The following SMYD2 variants were observed in gnomAD, a reference collection of about 807,000 sequenced individuals.
SMYD2 encodes the protein SET and MYND domain containing 2, also known as N-lysine methyltransferase SMYD2.
In SMYD2, 53 loss-of-function variants were observed where a neutral mutation model predicts 59.1. The observed-to-expected ratio is 0.90, with a 90% CI of 0.72 to 1.13. The LOEUF (loss-of-function observed/expected upper bound fraction) is 1.13. Ranked by LOEUF, SMYD2 falls within the 50% of genes most tolerant of loss-of-function variation. The probability of loss-of-function intolerance (pLI) is 0.00; values close to 1 mark genes in which losing one functional copy is unlikely to be tolerated. For synonymous variants in SMYD2, 208 were observed against 198.8 expected, an observed-to-expected ratio of 1.05 and a Z score of -0.39; for missense variants, 494 against 544.7, an observed-to-expected ratio of 0.91 and a Z score of 0.93.
Position 214,318,020 on chromosome 1 carries a change from C to T in SMYD2, c.349-59C>T, listed in dbSNP as rs1657111968. The T allele has an allele frequency of 2.0e-6, 3 of 1,484,102 alleles. No individual in the cohort carries two copies. Among genetic ancestry groups the T allele is most frequent in the South Asian group, 2.3e-5 (2 of 85,478 alleles). 91.9% of individuals were successfully genotyped at this position (1,484,102 alleles called of 1,614,324 possible). A position where few individuals can be genotyped will look rare whatever the true frequency, so the allele number is the denominator to read the frequency against. ...TGTTGATGTAAAAGTGAAAGTGCCA[C>T]TTTATTACACTGGTTGTTAAAAAAT... On this transcript the variant is annotated intron_variant, in intron 3 of 11. Transcript: ENST00000366957. This position sits in a 1 kb window ranked among gnomAD's most constrained non-coding sequence, Gnocchi z 5.4.
Position 214,314,850 on chromosome 1 carries a change from C to G in SMYD2, c.326C>G (p.Thr109Arg), listed in dbSNP as rs746676295. Residue 109 changes from threonine to arginine, a missense_variant, in exon 3 of 12, where the codon ACA becomes AGA. Physicochemically the swap from Thr to Arg is moderately conservative, Grantham distance 71. Coordinates refer to ENST00000366957, the MANE Select transcript of SMYD2 (RefSeq NM_020197.3). ...NWNPSETVRL[T>R]ARILAKQKIH... ...AATCCCTCGGAGACTGTAAGACTAACAGCAAGGATTCTGGCCAAACAGGTG... is the reference window on the plus strand; with the variant it reads ...AATCCCTCGGAGACTGTAAGACTAAGAGCAAGGATTCTGGCCAAACAGGTG... 6.2e-7 allele frequency: 1 copy of G among 1,613,972 alleles called. No homozygotes were observed. The highest frequency in any genetic ancestry group is 1.3e-5 in the African/African-American group (1 of 75,034).
intron 1 of SMYD2, among the ~76,000 whole-genome samples, chr1:214,286,749 CAAAAAAA>C (rs5780769): frequency 1.4e-5 from 1 of 72,064 alleles, no homozygotes; most frequent in African/African-American, 5.5e-5. Flanking sequence ...GCCTCCATCT[CAAAAAAA>C]AAAAAAAAAA....
Position 214,336,830 on chromosome 1 carries a change from C to A in SMYD2, c.*46C>A, listed in dbSNP as rs1386003340. The A allele has an allele frequency of 6.6e-7, 1 of 1,525,158 alleles. No individual in the cohort carries two copies. Among genetic ancestry groups the A allele is most frequent in the Admixed American group, 1.8e-5 (1 of 56,512 alleles). The allele number at this position is 1,525,158 out of a possible 1,614,324, so 94.5% of individuals were successfully genotyped here. A position where few individuals can be genotyped will look rare whatever the true frequency, so the allele number is the denominator to read the frequency against. On this transcript the variant is annotated 3_prime_UTR_variant, in exon 12 of 12. Transcript: ENST00000366957. ...TTCATTTAAACACTTAGTTCAGAAA[C>A]CTTAAAGGATTTGAATATTTCAAAT...
intron 11 of SMYD2, among the ~76,000 whole-genome samples, chr1:214,334,627 T>C (rs1042696868): frequency 6.6e-6 from 1 of 152,144 alleles, no homozygotes; most frequent in African/African-American, 2.4e-5. Flanking sequence ...AGAATGATGA[T>C]CCCCAGTTGT....
At chr1:214,308,520 A>G (rs1362889278) in intron 2 of SMYD2, among the ~76,000 whole-genome samples, 5 of 152,198 alleles carry the variant, frequency 3.3e-5, no homozygotes, top group Non-Finnish European at 7.3e-5. Flanking sequence ...GCATGGGATC[A>G]AAGTAGAGGC....
At chr1:214,336,498 C>T (rs1265231932) in intron 11 of SMYD2, among the ~76,000 whole-genome samples, 2 of 152,204 alleles carry the variant, frequency 1.3e-5, no homozygotes, top group Admixed American at 6.5e-5. Context: ...CACCACTGCA[C>T]TCCAGCCTGG....
chr1:214,303,190 T>C (rs1340810938), intron 1 of SMYD2, among the ~76,000 whole-genome samples: 2 of 152,152 alleles, frequency 1.3e-5, no homozygotes, highest in Non-Finnish European at 2.9e-5. Flanking sequence ...GGATAGACAT[T>C]TTTAAAGGGT....
In SMYD2 at chr1:214,281,370, A is replaced by G. The variant is rs140536753; in HGVS notation, c.116A>G (p.Tyr39Cys). Residue 39 changes from tyrosine (Y) to cysteine (C), a missense_variant, in exon 1 of 12, where the codon TAT (tyrosine) becomes TGT (cysteine). Tyr to Cys is a radical substitution (Grantham distance 194). Coordinates refer to ENST00000366957, the MANE Select transcript of SMYD2 (RefSeq NM_020197.3). The part of the protein sequence containing the change: ...VGDLLFSCPA[Y>C]AYVLTVNERG... ...GACTTGCTGTTCTCCTGCCCGGCCT[A>G]TGCCTACGTGCTCACGGTCAACGAG... 1.3e-5 allele frequency: 19 copies of G among 1,461,340 alleles called. No homozygotes were observed. The highest frequency in any genetic ancestry group is 1.1e-4 in the Admixed American group (5 of 45,596). 90.5% of individuals were successfully genotyped at this position (1,461,340 alleles called of 1,614,324 possible). A position where few individuals can be genotyped will look rare whatever the true frequency, so the allele number is the denominator to read the frequency against.
chr1:214,303,186 A>G (rs1029030752), intron 1 of SMYD2, among the ~76,000 whole-genome samples: 2 of 152,122 alleles, frequency 1.3e-5, no homozygotes, highest in African/African-American at 2.4e-5. Flanking sequence ...TTTTGGATAG[A>G]CATTTTTAAA....
rs59821609 is a variant in SMYD2, at chr1:214,325,773, CTTT to C, written c.602+1086_602+1088del. On this transcript the variant is annotated intron_variant, in intron 6 of 11. Coordinates refer to ENST00000366957, the MANE Select transcript of SMYD2 (RefSeq NM_020197.3). ...GGAATTCTGGAAGTGAGGAAAGAAG[CTTT>C]TTTTTTTTTTTTTTTTTTTTAACTT... is the stretch of plus-strand genomic sequence containing the variant. 3.1e-3 allele frequency among the ~76,000 whole-genome samples: 371 copies of C among 118,738 alleles called. 2 individuals carry two copies. Among genetic ancestry groups the C allele is most frequent in the Non-Finnish European group, 4.0e-3 (242 of 59,802 alleles). The allele number at this position is 118,738 out of a possible 152,430, so 77.9% of individuals were successfully genotyped here. A position where few individuals can be genotyped will look rare whatever the true frequency, so the allele number is the denominator to read the frequency against.
intron 2 of SMYD2, among the ~76,000 whole-genome samples, chr1:214,310,183 C>T (rs778755720): frequency 1.3e-5 from 2 of 152,240 alleles, no homozygotes; most frequent in Non-Finnish European, 2.9e-5. Context: ...GCTGGAAATG[C>T]TGGTGCACCA....
chr1:214,292,763 A>G (rs1656657384), intron 1 of SMYD2, among the ~76,000 whole-genome samples: 1 of 152,112 alleles, frequency 6.6e-6, no homozygotes. Context: ...CATCGTATCC[A>G]GCATTATCCC....
intron 1 of SMYD2, among the ~76,000 whole-genome samples, chr1:214,289,117 T>C (rs766007091): frequency 1.3e-5 from 2 of 152,150 alleles, no homozygotes; most frequent in African/African-American, 2.4e-5. Context: ...TGTAAAAATA[T>C]GTTAAATTTC....
intron 2 of SMYD2, among the ~76,000 whole-genome samples, chr1:214,311,618 A>T (rs1037607284): frequency 1.2e-4 from 19 of 152,100 alleles, no homozygotes; most frequent in African/African-American, 3.6e-4. Context: ...CTTGTGTTTG[A>T]TTCCCTTCCT....
At chr1:214,305,456 C>T (rs947908816) in intron 2 of SMYD2, among the ~76,000 whole-genome samples, 2 of 152,168 alleles carry the variant, frequency 1.3e-5, no homozygotes, top group Admixed American at 6.5e-5. Context: ...GGACCAACAT[C>T]GAGGTGCAGG....
At chr1:214,297,038 C>T (rs1318571415) in intron 1 of SMYD2, among the ~76,000 whole-genome samples, 1 of 152,234 alleles carries the variant, frequency 6.6e-6, no homozygotes, top group Non-Finnish European at 1.5e-5. Flanking sequence ...AAACAATCTG[C>T]CTTGCAGAGT....
chr1:214,305,859 A>T (rs1656907950), intron 2 of SMYD2, among the ~76,000 whole-genome samples: 1 of 152,230 alleles, frequency 6.6e-6, no homozygotes, highest in South Asian at 2.1e-4. Flanking sequence ...AATTCTTGGT[A>T]GACTCTTTGA....
At chr1:214,332,539 G>A in intron 10 of SMYD2, 1 of 180,180 alleles carries the variant, frequency 5.6e-6, no homozygotes, top group East Asian at 1.5e-4. Context: ...CTAAGTGGTG[G>A]TCTCAGAAAC....
At chr1:214,297,315 T>G (rs1656748636) in intron 1 of SMYD2, among the ~76,000 whole-genome samples, 1 of 135,018 alleles carries the variant, frequency 7.4e-6, no homozygotes, top group Non-Finnish European at 1.5e-5. Context: ...TTATTTCAGG[T>G]TTTTTTTTTT....
Sources: allele counts gnomAD v4.1 joint callset (sites outside exome capture counted in the v4.1 genomes callset), GRCh38; gene constraint gnomAD v4.1.1; non-coding constraint Gnocchi (gnomAD v3.1); transcripts MANE v1.5; gene names NCBI Gene and HGNC (gene_info 2026-07-23, HGNC 2026-07-21).